VPS35L: variants seen among roughly 807,000 people sequenced by gnomAD.
The protein encoded by VPS35L is VPS35 endosomal protein sorting factor like, also known as VPS35 endosomal protein-sorting factor-like.
Under a neutral mutation model 133.0 loss-of-function variants are expected in VPS35L, and 83 were observed. The ratio of observed to expected loss-of-function variants is 0.62; its 90% CI spans 0.52 to 0.75. The LOEUF (loss-of-function observed/expected upper bound fraction) is 0.75, where lower values mean the gene tolerates loss of function less well. VPS35L is among the 30% of genes least tolerant of loss of function. The pLI, the probability that VPS35L is intolerant of heterozygous loss-of-function variation, is 0.00. For missense variants in VPS35L, 1,083 were observed against 1,206.8 expected, an observed-to-expected ratio of 0.90 and a Z score of 1.52; for synonymous variants, 423 against 449.9, an observed-to-expected ratio of 0.94 and a Z score of 0.76.
rs560828372 is a variant in VPS35L at position 19,627,567 on chromosome 16, T to A, written c.1272-127T>A. 1.0e-3 allele frequency: 729 copies of A among 697,872 alleles called. 5 individuals carry two copies. In the South Asian group the frequency reaches 0.011, roughly 10 times the overall value. The allele number at this position is 697,872 out of a possible 1,614,324, so 43.2% of individuals were successfully genotyped here. ...CTCCAGTTTACCTTTTTACTCTGAT[T>A]TTTTGTTTTTCCCCAACCCTACCGC... On this transcript the variant is annotated intron_variant, in intron 15 of 30. Transcript: ENST00000417362.
chr16:19,693,977 GAAAA>G (rs1367460052), intron 29 of VPS35L: 1 of 138,728 alleles, frequency 7.2e-6, no homozygotes, highest in Non-Finnish European at 1.6e-5. Context: ...AAAAAAAAAA[GAAAA>G]AAGGGGGAAT....
intron 21 of VPS35L, 136 bp downstream of exon 21, chr16:19,640,236 G>C: frequency 1.4e-6 from 1 of 726,498 alleles, no homozygotes; most frequent in East Asian, 2.9e-5. Context: ...TGGAAGGAAA[G>C]CCACATTAAA....
chr16:19,579,083 A>G lies in VPS35L; in HGVS notation c.465A>G (p.Ser155=), dbSNP rs995764690. Reference sequence around the variant, plus strand: ...CTGGGACTGCCACATTGGCAATGTCAGAGAAGGTGCGGACCCGGCTGGAGG... The same window carrying G: ...CTGGGACTGCCACATTGGCAATGTCGGAGAAGGTGCGGACCCGGCTGGAGG... ...GKAGTATLAM[S]EKVRTRLEEL... The change falls in exon 6 of 31, where the codon TCA becomes TCG. Residue 155 remains serine (S), a synonymous_variant. Transcript: ENST00000417362. 3.7e-6 allele frequency: 6 copies of G among 1,614,190 alleles called. No individual in the cohort carries two copies. Among genetic ancestry groups the G allele is most frequent in the Middle Eastern group, 1.6e-4 (1 of 6,062 alleles).
In VPS35L at chr16:19,563,115, A is replaced by G. The variant is rs1971078497; in HGVS notation, c.18-1736A>G. 2.0e-5 allele frequency among the ~76,000 whole-genome samples: 3 copies of G among 151,996 alleles called. No individual in the cohort carries two copies. The South Asian group carries it at 6.2e-4, about 32-fold the overall frequency. ...GATACTTTATTTTCAAAGGAGCAACAATAAGACTACTATTGCAGCACAAAG... is the reference window on the plus strand; with the variant it reads ...GATACTTTATTTTCAAAGGAGCAACGATAAGACTACTATTGCAGCACAAAG... On this transcript the variant is annotated intron_variant, in intron 1 of 30. Coordinates refer to ENST00000417362, the MANE Select transcript of VPS35L (RefSeq NM_020314.7).
At chr16:19,686,344 C>T (rs1243889306) in intron 28 of VPS35L, among the ~76,000 whole-genome samples, 3 of 152,190 alleles carry the variant, frequency 2.0e-5, no homozygotes, top group Non-Finnish European at 2.9e-5. Context: ...AGAGAAGGCT[C>T]TGACATTGCC....
rs226853 is a variant in VPS35L at position 19,585,195 on chromosome 16, G to A, written c.639+3542G>A. ...GAATAATGCTGCTCTGCACATTTGC[G>A]TACAATTATTTGCGTGGACTTACAT... On this transcript the variant is annotated intron_variant, in intron 7 of 30. Transcript: ENST00000417362. Among the ~76,000 whole-genome samples, 18 of 152,090 alleles carry A rather than the reference G, an allele frequency of 1.2e-4. No individual in the cohort carries two copies. The South Asian group carries it at 1.2e-3, about 11-fold the overall frequency.
intron 22 of VPS35L, among the ~76,000 whole-genome samples, chr16:19,643,679 C>T (rs1285781979): frequency 3.9e-5 from 6 of 152,064 alleles, no homozygotes; most frequent in African/African-American, 1.4e-4. Context: ...GGCATGGTGT[C>T]TCACACCTGT....
At chr16:19,641,705 C>G (rs74011477) in intron 21 of VPS35L, among the ~76,000 whole-genome samples, 9 of 152,054 alleles carry the variant, frequency 5.9e-5, no homozygotes, top group African/African-American at 1.7e-4. Context: ...TTTGAAAAAC[C>G]AAATGAATAA....
At chr16:19,570,834 C>CACATAT (rs1971339955) in intron 3 of VPS35L, among the ~76,000 whole-genome samples, 1 of 78,806 alleles carries the variant, frequency 1.3e-5, no homozygotes, top group Non-Finnish European at 2.8e-5. Context: ...TGCTGTGTTT[C>CACATAT]ATATATATAT....
chr16:19,571,848 T>A (rs371950633), intron 3 of VPS35L, among the ~76,000 whole-genome samples: 1 of 96,550 alleles, frequency 1.0e-5, no homozygotes, highest in Non-Finnish European at 2.1e-5. Flanking sequence ...CCCAGCCAAC[T>A]TTTTTTTTTT....
intron 29 of VPS35L, among the ~76,000 whole-genome samples, chr16:19,693,047 G>A (rs1450760683): frequency 8.5e-5 from 13 of 152,346 alleles, no homozygotes; most frequent in Non-Finnish European, 1.5e-5. Context: ...AGCACCTTCT[G>A]TAGGGAGGGA....
At chr16:19,616,053 A>AAAAAT (rs1480112196) in intron 12 of VPS35L, 61 bp from the exon 13 acceptor site, 1 of 1,337,184 alleles carries the variant, frequency 7.5e-7, no homozygotes, top group African/African-American at 1.5e-5. Context: ...TTTAATTTCC[A>AAAAAT]AAAATAAAAT....
At chr16:19,573,059 G>A in intron 3 of VPS35L, 60 bp from the exon 4 acceptor site, 1 of 1,530,686 alleles carries the variant, frequency 6.5e-7, no homozygotes, top group Non-Finnish European at 9.0e-7. Context: ...ATTTATATAT[G>A]TATATATTTA....
chr16:19,572,293 C>G (rs541309526), intron 3 of VPS35L, among the ~76,000 whole-genome samples: 2 of 152,264 alleles, frequency 1.3e-5, no homozygotes, highest in Admixed American at 6.5e-5. Flanking sequence ...TGGCGGGCAC[C>G]TGTAATCCCA....
intron 19 of VPS35L, among the ~76,000 whole-genome samples, chr16:19,636,242 T>C (rs1268166709): frequency 6.6e-6 from 1 of 152,154 alleles, no homozygotes; most frequent in Non-Finnish European, 1.5e-5. Flanking sequence ...TGTTTACAAA[T>C]TCTATCATTA....
chr16:19,655,479 T>C (rs1273248895), intron 26 of VPS35L, among the ~76,000 whole-genome samples: 3 of 152,188 alleles, frequency 2.0e-5, no homozygotes, highest in African/African-American at 7.2e-5. Flanking sequence ...TCCCCGTCCC[T>C]CCAGTTCATT....
intron 1 of VPS35L, among the ~76,000 whole-genome samples, chr16:19,556,273 A>C (rs1258361626): frequency 1.3e-5 from 2 of 152,184 alleles, no homozygotes; most frequent in African/African-American, 4.8e-5. Flanking sequence ...GCAGACGCAC[A>C]GTAGAGGGAT....
At chr16:19,643,230 G>A (rs954011715) in intron 22 of VPS35L, among the ~76,000 whole-genome samples, 10 of 152,128 alleles carry the variant, frequency 6.6e-5, no homozygotes, top group African/African-American at 2.4e-4. Flanking sequence ...AAATGGAACC[G>A]GTAGACTTTA....
intron 12 of VPS35L, among the ~76,000 whole-genome samples, chr16:19,611,032 C>A (rs898293115): frequency 1.3e-5 from 2 of 152,170 alleles, no homozygotes; most frequent in African/African-American, 4.8e-5. Flanking sequence ...TGGAGTCTTA[C>A]TGTGTCGCCC....
Sources: allele counts gnomAD v4.1 joint callset (sites outside exome capture counted in the v4.1 genomes callset), GRCh38; gene constraint gnomAD v4.1.1; transcripts MANE v1.5; gene names NCBI Gene and HGNC (gene_info 2026-07-23, HGNC 2026-07-21).